NEB: variants seen among roughly 807,000 people sequenced by gnomAD.
The protein encoded by NEB is nemaline myopathy type 2.
Under a neutral mutation model 952.2 loss-of-function variants are expected in NEB, and 512 were observed. The observed-to-expected ratio is 0.54, with a 90% CI of 0.50 to 0.58. NEB has a LOEUF of 0.58. NEB is among the 20% of genes least tolerant of loss of function. The pLI is 0.00. For synonymous variants in NEB, 2,900 were observed against 3,149.8 expected (o/e 0.92, Z 2.66); for missense variants, 8,428 against 9,231.1 (o/e 0.91, Z 3.56).
intron 3 of NEB, among the ~76,000 whole-genome samples, chr2:151,730,615 T>TA (rs1559717111): frequency 0.024 from 1,771 of 73,466 alleles, 68 homozygotes; most frequent in Middle Eastern, 0.05. Context: ...CATTTCTTAG[T>TA]GAAAAAAAAA....
At chr2:151,634,668 C>G (rs180844720) in intron 64 of NEB, among the ~76,000 whole-genome samples, 174 of 151,854 alleles carry the variant, frequency 1.1e-3, no homozygotes, top group African/African-American at 4.0e-3. Flanking sequence ...AAAATAAAAA[C>G]AGTAAAATGA....
chr2:151,570,355 T>G lies in NEB; in HGVS notation c.17156A>C (p.His5719Pro). The change falls in exon 109 of 182, where the codon CAC becomes CCC. Residue 5719 changes from histidine (H) to proline (P), a missense_variant. Transcript: ENST00000397345. ...CCTGGCTGTGAGGGTGCCCACGTAG[T>G]GTCCCTTCTGCTTCTCATGGTCAAG... Reference protein sequence around the residue: ...YKLDHEKQKGHYVGTLTARDD... With the variant: ...YKLDHEKQKGPYVGTLTARDD... The G allele has an allele frequency of 6.3e-7, 1 of 1,593,402 alleles. No individual in the cohort carries two copies. The highest frequency in any genetic ancestry group is 1.3e-5 in the African/African-American group (1 of 74,268).
intron 153 of NEB, among the ~76,000 whole-genome samples, chr2:151,521,519 C>G (rs1351397213): frequency 6.6e-6 from 1 of 152,078 alleles, no homozygotes; most frequent in Non-Finnish European, 1.5e-5. Flanking sequence ...GAGATGTTCC[C>G]AAGAGTTGTG....
chr2:151,678,036 T>C lies in NEB; in HGVS notation c.3407A>G (p.Lys1136Arg). The C allele has an allele frequency of 1.2e-6, 2 of 1,614,008 alleles. No individual in the cohort carries two copies. Among genetic ancestry groups the C allele is most frequent in the South Asian group, 2.2e-5 (2 of 91,080 alleles). Residue 1136 changes from lysine to arginine, a missense_variant, in exon 33 of 182, where the codon AAA (lysine) becomes AGA (arginine). By Grantham distance (26) the Lys-to-Arg change is conservative. Coordinates refer to ENST00000397345, the MANE Select transcript of NEB (RefSeq NM_001164508.2). Reference sequence around the variant, plus strand: ...GAACATATCATGGGGCGTGTTGTATTTGGACTTTGTCTTCTCATAGTCTTT... The same window carrying C: ...GAACATATCATGGGGCGTGTTGTATCTGGACTTTGTCTTCTCATAGTCTTT... ...YKKDYEKTKS[K>R]YNTPHDMFNV...
intron 103 of NEB, among the ~76,000 whole-genome samples, chr2:151,581,239 G>A (rs561161116): frequency 3.4e-3 from 4 of 1,166 alleles, no homozygotes; most frequent in Non-Finnish European, 6.9e-3. Context: ...ATTACTCTAC[G>A]TGTATCTATA....
Position 151,519,584 on chromosome 2 carries a change from T to C in NEB, c.22590+74A>G, listed in dbSNP as rs1262342473. ...ATATTGTGAGTGTTATAAATGCTAC[T>C]GAATTGCACACTTAAAAACAGTTAA... On this transcript the variant is annotated intron_variant, in intron 154 of 181. Coordinates refer to ENST00000397345, the MANE Select transcript of NEB (RefSeq NM_001164508.2). The C allele has an allele frequency of 2.8e-6, 3 of 1,082,468 alleles. No homozygotes were observed. In the African/African-American group the frequency reaches 4.7e-5, roughly 17 times the overall value. The allele number at this position is 1,082,468 out of a possible 1,614,324, so 67.1% of individuals were successfully genotyped here.
intron 81 of NEB, among the ~76,000 whole-genome samples, chr2:151,608,894 C>T (rs1456132062): frequency 8.0e-5 from 4 of 49,742 alleles, no homozygotes; most frequent in African/African-American, 2.5e-4. Flanking sequence ...CAAGAGCAAA[C>T]CTCCGTCTCA....
intron 13 of NEB, among the ~76,000 whole-genome samples, chr2:151,704,566 G>A (rs561160404): frequency 1.6e-4 from 24 of 152,164 alleles, no homozygotes; most frequent in Non-Finnish European, 2.1e-4. Flanking sequence ...CTCGTGGTGC[G>A]CCGTTTTTTA....
intron 147 of NEB, 113 bp downstream of exon 147, chr2:151,527,368 A>C: frequency 1.1e-6 from 1 of 900,362 alleles, no homozygotes; most frequent in Non-Finnish European, 1.7e-6. Context: ...TCCTTCTCGG[A>C]TCTCAAACGA....
In NEB at chr2:151,613,526, C is replaced by T. The variant is rs116894469; in HGVS notation, c.11601+750G>A. 8.9e-3 allele frequency among the ~76,000 whole-genome samples: 1,349 copies of T among 152,268 alleles called. 13 individuals are homozygous for T. Among genetic ancestry groups the T allele is most frequent in the East Asian group, 0.054 (279 of 5,190 alleles). Reference sequence around the variant, plus strand: ...TGTAAGTATAAGCAATATATTACAGCAGTATTGACACTACACCTGACTTTG... The same window carrying T: ...TGTAAGTATAAGCAATATATTACAGTAGTATTGACACTACACCTGACTTTG... On this transcript the variant is annotated intron_variant, in intron 77 of 181. Transcript: ENST00000397345.
rs1057517977 is a variant in NEB, at chr2:151,636,283, G to C, written c.9046C>G (p.Arg3016Gly). ...GCCACGATGGGGATGGCGTCGCTTC[G>C]CAAGTCATAGCCTTTCTTCTTTGCT... The part of the protein sequence containing the change: ...EEAKKKGYDL[R>G]SDAIPIVAAK... Residue 3016 changes from arginine (R) to glycine (G), a missense_variant, in exon 64 of 182, where the codon CGA (arginine) becomes GGA (glycine). This residue lies in a region of NEB where 1,772 missense variants were observed against 1,960.3 expected (regional missense o/e 0.90). Transcript: ENST00000397345. The C allele has an allele frequency of 6.2e-7, 1 of 1,609,638 alleles. No individual in the cohort carries two copies. Among genetic ancestry groups the C allele is most frequent in the Non-Finnish European group, 8.5e-7 (1 of 1,179,698 alleles).
intron 23 of NEB, 86 bp from the exon 24 acceptor site, chr2:151,690,911 C>A: frequency 1.0e-6 from 1 of 978,114 alleles, no homozygotes; most frequent in Non-Finnish European, 1.6e-6. Flanking sequence ...CAGGTCAAAA[C>A]AGAGTTTATT....
chr2:151,684,243 G>T (rs1437709598), intron 28 of NEB, among the ~76,000 whole-genome samples: 2 of 152,124 alleles, frequency 1.3e-5, no homozygotes, highest in African/African-American at 2.4e-5. Flanking sequence ...TTAAAAAATA[G>T]AATTGTTAGG....
intron 23 of NEB, 114 bp from the exon 24 acceptor site, chr2:151,690,939 G>T: frequency 1.4e-6 from 1 of 737,506 alleles, no homozygotes; most frequent in Non-Finnish European, 2.4e-6. Flanking sequence ...TGAAAACTTA[G>T]TTGATGCGTT....
chr2:151,723,750 GTTTTTTTTTTTTTT>G (rs11308757), intron 8 of NEB, among the ~76,000 whole-genome samples: 3 of 51,364 alleles, frequency 5.8e-5, no homozygotes, highest in Non-Finnish European at 7.4e-5. Flanking sequence ...TGCCTTCTTT[GTTTTTTTTTTTTTT>G]TTTTTTTTTT....
chr2:151,489,469 G>A (rs918055420), intron 181 of NEB, among the ~76,000 whole-genome samples: 1 of 152,160 alleles, frequency 6.6e-6, no homozygotes, highest in Non-Finnish European at 1.5e-5. Context: ...TGCAGTTATG[G>A]CTCACTGCAA....
rs141442644 is a variant in NEB, at chr2:151,698,458, A to G, written c.1153-810T>C. Among the ~76,000 whole-genome samples the G allele has an allele frequency of 9.5e-3, 1,443 of 152,314 alleles. 13 individuals are homozygous for G. The highest frequency in any genetic ancestry group is 0.024 in the Middle Eastern group (7 of 294). ...GGTTTATGGTTGGGGGGATTAAAAA[A>G]AATTCTGGAATGAGATGGTATTATT... On this transcript the variant is annotated intron_variant, in intron 13 of 181. Coordinates refer to ENST00000397345, the MANE Select transcript of NEB (RefSeq NM_001164508.2).
chr2:151,498,018 G>T, intron 170 of NEB: 4 of 1,438,734 alleles, frequency 2.8e-6, no homozygotes, highest in Non-Finnish European at 3.6e-6. Flanking sequence ...TTAGAACTCG[G>T]TGTTGTTATC....
chr2:151,552,557 TG>T (rs2095405412), intron 128 of NEB, 114 bp downstream of exon 128: 2 of 670,274 alleles, frequency 3.0e-6, no homozygotes, highest in Non-Finnish European at 5.2e-6. Context: ...GCACCAACTC[TG>T]GTTTCCCAGT....
Sources: allele counts gnomAD v4.1 joint callset (sites outside exome capture counted in the v4.1 genomes callset), GRCh38; gene constraint gnomAD v4.1.1; regional missense constraint gnomAD v4.1.1; transcripts MANE v1.5; gene names NCBI Gene and HGNC (gene_info 2026-07-23, HGNC 2026-07-21).